The following IQGAP2 variants were observed in gnomAD, a reference collection of about 807,000 sequenced individuals.
IQGAP2 encodes the protein ras GTPase-activating-like protein IQGAP2.
IQGAP2 carries 173 observed loss-of-function variants against 201.3 expected under a neutral mutation model. That is an observed-to-expected ratio of 0.86 (90% confidence interval 0.76 to 0.98). The LOEUF (loss-of-function observed/expected upper bound fraction) is 0.98, where lower values mean the gene tolerates loss of function less well. Ranked by LOEUF, IQGAP2 falls within the 50% of genes least tolerant of loss-of-function variation. The probability of loss-of-function intolerance (pLI) is 0.00; values close to 1 mark genes in which losing one functional copy is unlikely to be tolerated. For missense variants in IQGAP2, 1,687 were observed against 1,864.8 expected, an observed-to-expected ratio of 0.90 and a Z score of 1.76; for synonymous variants, 675 against 673.9, an observed-to-expected ratio of 1.00 and a Z score of -0.03.
intron 15 of IQGAP2, among the ~76,000 whole-genome samples, chr5:76,636,833 C>T (rs1389447987): frequency 1.3e-5 from 2 of 152,218 alleles, no homozygotes; most frequent in Non-Finnish European, 2.9e-5. Flanking sequence ...ATATTTGTGT[C>T]TCTTCCTTTT....
chr5:76,486,885 A>G (rs1257688356), intron 2 of IQGAP2, among the ~76,000 whole-genome samples: 1 of 152,030 alleles, frequency 6.6e-6, no homozygotes, highest in African/African-American at 2.4e-5. Flanking sequence ...TCCTAGGCAC[A>G]TTTTCTTACC....
chr5:76,601,245 A>G (rs1747408557), intron 11 of IQGAP2, among the ~76,000 whole-genome samples: 1 of 152,268 alleles, frequency 6.6e-6, no homozygotes. Flanking sequence ...TAAAGGAACT[A>G]TTGGAAACAT....
intron 35 of IQGAP2, among the ~76,000 whole-genome samples, chr5:76,703,653 C>CA (rs60408771): frequency 0.42 from 56,283 of 135,386 alleles, 11,687 homozygotes; most frequent in South Asian, 0.49. Flanking sequence ...AGTTTCTGTG[C>CA]AAAAAAAAAA....
At chr5:76,679,792 T>C (rs752896372) in intron 28 of IQGAP2, among the ~76,000 whole-genome samples, 2 of 152,242 alleles carry the variant, frequency 1.3e-5, no homozygotes, top group Non-Finnish European at 2.9e-5. Flanking sequence ...ACCTCTATTA[T>C]TTATTTAATG....
At chr5:76,584,712 G>T (rs558170202) in intron 5 of IQGAP2, among the ~76,000 whole-genome samples, 1 of 152,116 alleles carries the variant, frequency 6.6e-6, no homozygotes, top group African/African-American at 2.4e-5. Flanking sequence ...CCCTTCTGGC[G>T]TCCGTTCCAT....
chr5:76,575,094 A>C (rs1745379234), intron 4 of IQGAP2, among the ~76,000 whole-genome samples: 1 of 152,202 alleles, frequency 6.6e-6, no homozygotes, highest in African/African-American at 2.4e-5. Context: ...AAAGACCAGA[A>C]GAAAAATAGG....
At chr5:76,575,630 G>T in intron 4 of IQGAP2, 63 bp from the exon 5 acceptor site, 1 of 948,898 alleles carries the variant, frequency 1.1e-6, no homozygotes, top group South Asian at 1.7e-5. Context: ...GGGTCATTTT[G>T]GGAAGTTAAA....
chr5:76,424,222 C>T lies in IQGAP2; in HGVS notation c.46+20631C>T, dbSNP rs182449279. ...TTTATTCCCCCCTGCTTTCATTGTCCTTGTCTACTTTTATTTTCCCTTTAC... is the reference window on the plus strand; with the variant it reads ...TTTATTCCCCCCTGCTTTCATTGTCTTTGTCTACTTTTATTTTCCCTTTAC... On this transcript the variant is annotated intron_variant, in intron 1 of 35. Transcript: ENST00000274364. Among the ~76,000 whole-genome samples, 261 of 152,252 alleles carry T rather than the reference C, an allele frequency of 1.7e-3. 1 individual carries two copies. Among genetic ancestry groups the T allele is most frequent in the African/African-American group, 5.5e-3 (227 of 41,542 alleles).
At position 76,442,180 on chromosome 5, in the gene IQGAP2, G is replaced by A. The variant is rs907292141; in HGVS notation, c.47-19390G>A. Among the ~76,000 whole-genome samples, 5 of 152,054 alleles carry A rather than the reference G, an allele frequency of 3.3e-5. No homozygotes were observed. The East Asian group carries it at 7.7e-4, about 23-fold the overall frequency. On this transcript the variant is annotated intron_variant, in intron 1 of 35. Coordinates refer to ENST00000274364, the MANE Select transcript of IQGAP2 (RefSeq NM_006633.5). ...GTTAAGGGAGCTATAAAAGGGTATC[G>A]GGCTACAGTGCTTTCATAGAGAATA... is the stretch of plus-strand genomic sequence containing the variant.
intron 17 of IQGAP2, among the ~76,000 whole-genome samples, chr5:76,643,440 G>A (rs774983242): frequency 6.6e-6 from 1 of 152,178 alleles, no homozygotes; most frequent in Non-Finnish European, 1.5e-5. Context: ...TTGCAGGGTG[G>A]TGAAGACTGA....
chr5:76,583,555 C>G (rs1208681862), intron 5 of IQGAP2, among the ~76,000 whole-genome samples: 2 of 151,600 alleles, frequency 1.3e-5, no homozygotes, highest in South Asian at 2.1e-4. Context: ...AGATCTTTAC[C>G]TGATCAATAT....
At chr5:76,685,429 C>A (rs1450594598) in intron 30 of IQGAP2, among the ~76,000 whole-genome samples, 2 of 152,144 alleles carry the variant, frequency 1.3e-5, no homozygotes, top group Non-Finnish European at 2.9e-5. Context: ...TTTTCTAAAT[C>A]CAGTCAACTC....
chr5:76,491,963 T>C (rs1433129652), intron 2 of IQGAP2, among the ~76,000 whole-genome samples: 1 of 152,124 alleles, frequency 6.6e-6, no homozygotes, highest in African/African-American at 2.4e-5. Flanking sequence ...CTCTCGATTC[T>C]CCTGGAACAC....
At chr5:76,568,145 T>C (rs1363441032) in intron 3 of IQGAP2, among the ~76,000 whole-genome samples, 1 of 152,216 alleles carries the variant, frequency 6.6e-6, no homozygotes, top group African/African-American at 2.4e-5. Context: ...CTAACGAAAG[T>C]GTGCTAACAT....
chr5:76,406,425 AAC>A (rs1258627639), intron 1 of IQGAP2, among the ~76,000 whole-genome samples: 1 of 152,242 alleles, frequency 6.6e-6, no homozygotes, highest in African/African-American at 2.4e-5. Context: ...ACAATTCAGT[AAC>A]ACAATTCTGA....
rs1020509622 is a variant in IQGAP2 at position 76,419,586 on chromosome 5, C to T, written c.46+15995C>T. ...CTCCTGATCTCAAGTGATCCCCCCACCTCGGCCTCCTAAAGTGCTGAGATT... is the reference window on the plus strand; with the variant it reads ...CTCCTGATCTCAAGTGATCCCCCCATCTCGGCCTCCTAAAGTGCTGAGATT... On this transcript the variant is annotated intron_variant, in intron 1 of 35. Transcript: ENST00000274364. 9.2e-5 allele frequency among the ~76,000 whole-genome samples: 14 copies of T among 152,130 alleles called. No homozygotes were observed. In the East Asian group the frequency reaches 2.5e-3, roughly 27 times the overall value.
At chr5:76,653,292 C>T (rs1752660825) in intron 18 of IQGAP2, among the ~76,000 whole-genome samples, 1 of 152,116 alleles carries the variant, frequency 6.6e-6, no homozygotes, top group African/African-American at 2.4e-5. Flanking sequence ...GTGAATAGCT[C>T]TGGGTGAGAA....
At chr5:76,445,069 A>C (rs80104515) in intron 1 of IQGAP2, among the ~76,000 whole-genome samples, 2,928 of 152,156 alleles carry the variant, frequency 0.019, 104 homozygotes, top group African/African-American at 0.065. Flanking sequence ...TTTGAATATT[A>C]CTCAGTACAT....
chr5:76,503,263 TC>T (rs1757396794), intron 2 of IQGAP2, among the ~76,000 whole-genome samples: 1 of 138,612 alleles, frequency 7.2e-6, no homozygotes, highest in Non-Finnish European at 1.5e-5. Flanking sequence ...AACCTCCCCC[TC>T]CCGGGTTCAA....
Sources: gnomAD v4.1 joint callset for allele counts (sites outside exome capture counted in the v4.1 genomes callset) on GRCh38, gnomAD v4.1.1 for gene constraint, MANE v1.5 for transcripts, NCBI Gene and HGNC (gene_info 2026-07-23, HGNC 2026-07-21) for gene names.